Variants in CRTC3 observed in about 807,000 individuals in gnomAD.
CRTC3 encodes CREB-regulated transcription coactivator 3.
A neutral mutation model predicts 74.5 loss-of-function variants in CRTC3; 26 were observed. The ratio of observed to expected loss-of-function variants is 0.35; its 90% CI spans 0.26 to 0.48. The LOEUF (loss-of-function observed/expected upper bound fraction) is 0.48, where lower values mean the gene tolerates loss of function less well. Ranked by LOEUF, CRTC3 falls within the 20% of genes least tolerant of loss-of-function variation. The probability of loss-of-function intolerance (pLI) is 0.99; values close to 1 mark genes in which losing one functional copy is unlikely to be tolerated. For missense variants in CRTC3, 760 were observed against 787.3 expected, an observed-to-expected ratio of 0.97 and a Z score of 0.41; for synonymous variants, 377 against 325.8, an observed-to-expected ratio of 1.16 and a Z score of -1.69.
At chr15:90,639,288 T>C (rs1296931571) in intron 13 of CRTC3, among the ~76,000 whole-genome samples, 1 of 152,110 alleles carries the variant, frequency 6.6e-6, no homozygotes, top group Non-Finnish European at 1.5e-5. Context: ...TTCCGTAAGG[T>C]ATTTTCAACT....
chr15:90,559,118 G>A (rs1966959688), intron 2 of CRTC3, among the ~76,000 whole-genome samples: 1 of 152,100 alleles, frequency 6.6e-6, no homozygotes, highest in Non-Finnish European at 1.5e-5. Context: ...GGGAGCAAGG[G>A]TGCTTTGGTT....
rs1969326226 is a variant in CRTC3, at chr15:90,638,616, A to G, written c.1437A>G (p.Pro479=). The G allele has an allele frequency of 6.2e-7, 1 of 1,613,432 alleles. No individual in the cohort carries two copies. The highest frequency in any genetic ancestry group is 8.5e-7 in the Non-Finnish European group (1 of 1,179,998). ...AQQPQAASSL[P]QSDFQLLPAQ... The stretch of plus-strand genomic sequence containing the variant: ...AGCCCCAGGCAGCCTCCTCACTGCC[A>G]CAGTCAGACTTTCAGCTTCTCCCGG... Residue 479 remains proline (P), a synonymous_variant, in exon 12 of 15, where the codon CCA becomes CCG. Coordinates refer to ENST00000268184, the MANE Select transcript of CRTC3 (RefSeq NM_022769.5).
intron 2 of CRTC3, among the ~76,000 whole-genome samples, chr15:90,556,133 A>G (rs1049138560): frequency 1.3e-5 from 2 of 152,080 alleles, no homozygotes; most frequent in Admixed American, 1.3e-4. Context: ...TCATTAAAAT[A>G]CTTTATAAGT....
chr15:90,581,528 C>G (rs568454841), intron 2 of CRTC3, among the ~76,000 whole-genome samples: 1 of 152,158 alleles, frequency 6.6e-6, no homozygotes, highest in East Asian at 1.9e-4. Flanking sequence ...GCCTTCATCT[C>G]TTTTTTTGGC....
chr15:90,552,783 G>T (rs1249510490), intron 2 of CRTC3, among the ~76,000 whole-genome samples: 1 of 152,200 alleles, frequency 6.6e-6, no homozygotes, highest in Admixed American at 6.5e-5. Flanking sequence ...ATTGTGTTAA[G>T]GGAACTGGGG....
rs988920244 is a variant in CRTC3, at chr15:90,597,501, C to G, written c.351+3746C>G. 2.0e-5 allele frequency among the ~76,000 whole-genome samples: 3 copies of G among 152,244 alleles called. No individual in the cohort carries two copies. The South Asian group carries it at 6.2e-4, about 32-fold the overall frequency. Reference sequence around the variant, plus strand: ...TGGGCCTTGCTTTGATTCTTTTCATCATAATGAGATGAAAATGTTAGGACA... The same window carrying G: ...TGGGCCTTGCTTTGATTCTTTTCATGATAATGAGATGAAAATGTTAGGACA... On this transcript the variant is annotated intron_variant, in intron 3 of 14. Coordinates refer to ENST00000268184, the MANE Select transcript of CRTC3 (RefSeq NM_022769.5).
intron 11 of CRTC3, 186 bp from the exon 12 acceptor site, chr15:90,638,260 C>T: frequency 3.5e-6 from 2 of 576,926 alleles, no homozygotes; most frequent in South Asian, 4.5e-5. Context: ...ATGGAACATG[C>T]TTTGTGGGGA....
chr15:90,545,884 A>G (rs1458918895), intron 2 of CRTC3, among the ~76,000 whole-genome samples: 1 of 152,032 alleles, frequency 6.6e-6, no homozygotes, highest in Non-Finnish European at 1.5e-5. Context: ...GGCCTTGTCT[A>G]GTTTTTAAAT....
chr15:90,635,335 TG>T (rs1214344656), intron 11 of CRTC3, among the ~76,000 whole-genome samples: 1 of 152,138 alleles, frequency 6.6e-6, no homozygotes, highest in Non-Finnish European at 1.5e-5. Context: ...GGGAAACTCC[TG>T]GTGTCATAAG....
chr15:90,632,639 C>T (rs1255559482), intron 11 of CRTC3, among the ~76,000 whole-genome samples: 1 of 152,176 alleles, frequency 6.6e-6, no homozygotes, highest in Admixed American at 6.5e-5. Flanking sequence ...GAGTCTTGCT[C>T]TGTCACCCAG....
At chr15:90,607,524 C>T (rs750137148) in intron 6 of CRTC3, 46 bp downstream of exon 6, 21 of 1,230,252 alleles carry the variant, frequency 1.7e-5, no homozygotes, top group Non-Finnish European at 2.3e-5. Flanking sequence ...CTTGCTCATT[C>T]TGTCCTAGGA....
intron 1 of CRTC3, among the ~76,000 whole-genome samples, chr15:90,537,158 A>G (rs1484653993): frequency 6.6e-6 from 1 of 152,198 alleles, no homozygotes; most frequent in Non-Finnish European, 1.5e-5. Context: ...TAGCTCAATG[A>G]GTCTAAATTT....
At position 90,642,213 on chromosome 15, in the gene CRTC3, G is replaced by A. The variant is rs1969474838; in HGVS notation, c.*73G>A. 2 of 1,308,520 alleles carry A rather than the reference G, an allele frequency of 1.5e-6. No homozygotes were observed. The highest frequency in any genetic ancestry group is 4.6e-5 in the East Asian group (2 of 43,146). 81.1% of individuals were successfully genotyped at this position (1,308,520 alleles called of 1,614,324 possible). ...AGAATGGAATAGAATGAAGCCAGCT[G>A]ATACCACGGGCTTTCGTTATCTTGA... On this transcript the variant is annotated 3_prime_UTR_variant, in exon 15 of 15. Coordinates refer to ENST00000268184, the MANE Select transcript of CRTC3 (RefSeq NM_022769.5).
intron 3 of CRTC3, chr15:90,598,518 A>C (rs1258509849): frequency 1.4e-6 from 1 of 702,740 alleles, no homozygotes; most frequent in East Asian, 2.7e-5. Context: ...ATTTTCCTGC[A>C]CAGAACTGCA....
At chr15:90,541,898 C>T (rs181867641) in intron 2 of CRTC3, among the ~76,000 whole-genome samples, 4 of 150,474 alleles carry the variant, frequency 2.7e-5, no homozygotes, top group Admixed American at 6.7e-5. Flanking sequence ...CATTCTCCTG[C>T]CTCAGCCTCC....
rs777098765 is a variant in CRTC3, at chr15:90,625,901, C to G, written c.875C>G (p.Thr292Ser). The G allele has an allele frequency of 6.2e-7, 1 of 1,614,238 alleles. No individual in the cohort carries two copies. The change falls in exon 10 of 15, where the codon ACC (threonine) becomes AGC (serine). Residue 292 changes from threonine (T) to serine (S), a missense_variant. This residue lies in a region of CRTC3 where 652 missense variants were observed against 635.2 expected (regional missense o/e 1.03). Coordinates refer to ENST00000268184, the MANE Select transcript of CRTC3 (RefSeq NM_022769.5). Reference protein sequence around the residue: ...YSTPLPASLDTTDHHFGSMSV... With the variant: ...YSTPLPASLDSTDHHFGSMSV... ...ACACCCCTGCCAGCCTCCCTGGACA[C>G]CACCGACCACCACTTTGGCAGTATG... is the stretch of plus-strand genomic sequence containing the variant.
Position 90,642,069 on chromosome 15 carries a change from A to T in CRTC3, c.1789A>T (p.Met597Leu). The T allele has an allele frequency of 6.2e-7, 1 of 1,613,978 alleles. No individual in the cohort carries two copies. The highest frequency in any genetic ancestry group is 8.5e-7 in the Non-Finnish European group (1 of 1,179,988). Residue 597 changes from methionine to leucine, a missense_variant, in exon 15 of 15, where the codon ATG (methionine) becomes TTG (leucine). Around this residue, in one of 2 missense-constraint regions of CRTC3, gnomAD observed 652 missense variants for 635.2 expected, o/e 1.03. Transcript: ENST00000268184. Reference protein sequence around the residue: ...IEPLSLDGLNMLSDSSMGLLD... With the variant: ...IEPLSLDGLNLLSDSSMGLLD... ...ACCCCTGAGCCTGGACGGACTCAAC[A>T]TGTTAAGTGACTCCAGCATGGGCCT... is the stretch of plus-strand genomic sequence containing the variant.
chr15:90,624,167 G>A (rs1026549834), intron 9 of CRTC3, among the ~76,000 whole-genome samples: 3 of 152,148 alleles, frequency 2.0e-5, no homozygotes, highest in South Asian at 2.1e-4. Context: ...AGGAGGGAAT[G>A]AAGTGTCCTC....
At chr15:90,587,872 C>A (rs1967702890) in intron 2 of CRTC3, among the ~76,000 whole-genome samples, 1 of 151,948 alleles carries the variant, frequency 6.6e-6, no homozygotes, top group East Asian at 2.0e-4. Flanking sequence ...CATCAGCCTC[C>A]CAAAGTGCTG....
Sources: gnomAD v4.1 joint callset for allele counts (sites outside exome capture counted in the v4.1 genomes callset) on GRCh38, gnomAD v4.1.1 for gene constraint, gnomAD v4.1.1 regional missense constraint, MANE v1.5 for transcripts, NCBI Gene and HGNC (gene_info 2026-07-23, HGNC 2026-07-21) for gene names.